Variants in FANCA observed in about 807,000 individuals in gnomAD.
FANCA encodes FA complementation group A.
FANCA carries 236 observed loss-of-function variants against 194.3 expected under a neutral mutation model. The ratio of observed to expected loss-of-function variants is 1.21; its 90% CI spans 1.09 to 1.35. The LOEUF (loss-of-function observed/expected upper bound fraction) is 1.35. Ranked by LOEUF, FANCA falls within the 40% of genes most tolerant of loss-of-function variation. FANCA has a pLI of 0.00. For synonymous variants in FANCA, 1,014 were observed against 715.8 expected (o/e 1.42, Z -6.65); for missense variants, 2,628 against 1,813.9 (o/e 1.45, Z -8.15).
At chr16:89,755,022 A>G (rs2038721829) in intron 30 of FANCA, among the ~76,000 whole-genome samples, 1 of 152,240 alleles carries the variant, frequency 6.6e-6, no homozygotes. Context: ...CCAATGACGC[A>G]GTGCATATGG....
chr16:89,767,553 T>C (rs1355688134), intron 26 of FANCA, among the ~76,000 whole-genome samples: 4 of 151,826 alleles, frequency 2.6e-5, no homozygotes, highest in Admixed American at 2.6e-4. Flanking sequence ...TAGTTGTTGT[T>C]AGTGCTTTTT....
intron 35 of FANCA, among the ~76,000 whole-genome samples, chr16:89,745,990 G>C (rs1324213657): frequency 6.6e-6 from 1 of 152,196 alleles, no homozygotes; most frequent in Non-Finnish European, 1.5e-5. Flanking sequence ...GTGCTGCGGA[G>C]AAAAAGGCCC....
intron 31 of FANCA, among the ~76,000 whole-genome samples, chr16:89,750,456 C>A (rs1014516756): frequency 2.1e-5 from 3 of 141,012 alleles, no homozygotes; most frequent in Non-Finnish European, 3.0e-5. Flanking sequence ...GCACTTCAGA[C>A]TGGGCAACAG....
At chr16:89,801,837 G>A (rs571097792) in intron 8 of FANCA, among the ~76,000 whole-genome samples, 6 of 151,624 alleles carry the variant, frequency 4.0e-5, no homozygotes, top group Admixed American at 2.0e-4. Flanking sequence ...GCAGTGAGCC[G>A]AAATCGCGCC....
intron 12 of FANCA, 58 bp from the exon 13 acceptor site, chr16:89,792,126 A>AC: frequency 3.1e-6 from 5 of 1,605,328 alleles, no homozygotes; most frequent in Non-Finnish European, 4.3e-6. Flanking sequence ...GCGACAGATG[A>AC]CCCCTCACCT....
At chr16:89,802,389 A>G (rs1430627474) in intron 8 of FANCA, among the ~76,000 whole-genome samples, 1 of 151,356 alleles carries the variant, frequency 6.6e-6, no homozygotes, top group Admixed American at 6.6e-5. Flanking sequence ...GGCATGAGCC[A>G]TTGAGCCCAA....
chr16:89,777,027 C>G (rs529949402), intron 20 of FANCA, among the ~76,000 whole-genome samples: 2 of 151,850 alleles, frequency 1.3e-5, no homozygotes, highest in Admixed American at 6.6e-5. Context: ...CTGGGCAACA[C>G]AGCGAAAATC....
chr16:89,742,903 T>C lies in FANCA; in HGVS notation c.3662A>G (p.Asn1221Ser), dbSNP rs2062171554. Residue 1221 changes from asparagine to serine, a missense_variant, in exon 37 of 43, where the codon AAC becomes AGC. Asn to Ser is a conservative substitution (Grantham distance 46, BLOSUM62 1). Coordinates refer to ENST00000389301, the MANE Select transcript of FANCA (RefSeq NM_000135.4). The stretch of plus-strand genomic sequence containing the variant: ...TGCAGCAGCTGAGAGCCAGTCCGGG[T>C]TGGGTGCTGGGGAGGCAGCCTCAGG... ...LSPEAASPAP[N>S]PDWLSAAALH... 1.2e-6 allele frequency: 2 copies of C among 1,614,020 alleles called. No individual in the cohort carries two copies. The highest frequency in any genetic ancestry group is 1.1e-5 in the South Asian group (1 of 91,084).
Position 89,779,006 on chromosome 16 carries a change from G to A in FANCA, c.1716-3C>T, listed in dbSNP as rs760855591. ...CGTAGTAAGGCCTCCTGAATATGCT[G>A]CAACACAGAGAAGCAGACAGTGCAT... On this transcript the variant is annotated splice_polypyrimidine_tract_variant and splice_region_variant and intron_variant, in intron 18 of 42. Coordinates refer to ENST00000389301, the MANE Select transcript of FANCA (RefSeq NM_000135.4). The A allele has an allele frequency of 1.8e-5, 29 of 1,613,144 alleles. No individual in the cohort carries two copies. In the South Asian group the frequency reaches 2.7e-4, roughly 15 times the overall value.
At chr16:89,790,748 A>G (rs1811426797) in intron 14 of FANCA, among the ~76,000 whole-genome samples, 1 of 152,046 alleles carries the variant, frequency 6.6e-6, no homozygotes, top group South Asian at 2.1e-4. Context: ...TCAAAAAAAA[A>G]AAAAGGGAAA....
intron 5 of FANCA, among the ~76,000 whole-genome samples, 180 bp from the exon 6 acceptor site, chr16:89,808,547 T>G (rs1426454924): frequency 6.6e-6 from 1 of 152,238 alleles, no homozygotes; most frequent in East Asian, 1.9e-4. Context: ...AAAGCTGTAC[T>G]GGTTTTCAAA....
chr16:89,745,067 C>G lies in FANCA; in HGVS notation c.3518G>C (p.Trp1173Ser). 2 of 1,603,416 alleles carry G rather than the reference C, an allele frequency of 1.2e-6. No homozygotes were observed. Among genetic ancestry groups the G allele is most frequent in the Non-Finnish European group, 1.7e-6 (2 of 1,177,838 alleles). Reference sequence around the variant, plus strand: ...CAGCACAGGCTCCAGGCTCGGCCACCACACCTATGGAGAGAGCACCAGCAC... The same window carrying G: ...CAGCACAGGCTCCAGGCTCGGCCACGACACCTATGGAGAGAGCACCAGCAC... ...CPLILTSALV[W>S]WPSLEPVLLC... Residue 1173 changes from tryptophan (W) to serine (S), a missense_variant, in exon 36 of 43, where the codon TGG becomes TCG. Physicochemically the swap from Trp to Ser is radical, Grantham distance 177. Coordinates refer to ENST00000389301, the MANE Select transcript of FANCA (RefSeq NM_000135.4).
Position 89,745,034 on chromosome 16 carries a change from C to G in FANCA, c.3551G>C (p.Arg1184Pro), listed in dbSNP as rs147672303. The change falls in exon 36 of 43, where the codon CGG (arginine) becomes CCG (proline). Residue 1184 changes from arginine to proline, a missense_variant. Arg to Pro is a moderately radical substitution (Grantham distance 103). Coordinates refer to ENST00000389301, the MANE Select transcript of FANCA (RefSeq NM_000135.4). ...CGGGCTCTGGCAGTGTCTCCTCCAC[C>G]GGCAGAGCAGCACAGGCTCCAGGCT... The part of the protein sequence containing the change: ...WPSLEPVLLC[R>P]WRRHCQSPLP... The G allele has an allele frequency of 3.1e-4, 493 of 1,609,978 alleles. No homozygotes were observed. Among genetic ancestry groups the G allele is most frequent in the South Asian group, 4.0e-4 (36 of 90,978 alleles).
chr16:89,744,679 T>G, intron 36 of FANCA: 1 of 447,446 alleles, frequency 2.2e-6, no homozygotes, highest in East Asian at 4.4e-5. Context: ...TTTTTTTTGT[T>G]TTTTTTCTGG....
intron 26 of FANCA, among the ~76,000 whole-genome samples, chr16:89,767,646 T>G (rs1356329016): frequency 2.0e-5 from 3 of 152,182 alleles, no homozygotes; most frequent in Non-Finnish European, 2.9e-5. Context: ...CCTCCCAGGT[T>G]CAAGCAATTC....
chr16:89,749,724 T>C lies in FANCA; in HGVS notation c.3239+6A>G, dbSNP rs1400042720. On this transcript the variant is annotated splice_donor_region_variant and intron_variant, in intron 32 of 42. Transcript: ENST00000389301. ...GCTGCCCTGCCCAGGTGGTAGTAGG[T>C]GTTACCGTTTGTACATTAGCAGCTC... The C allele has an allele frequency of 6.2e-7, 1 of 1,612,894 alleles. No homozygotes were observed. The highest frequency in any genetic ancestry group is 8.5e-7 in the Non-Finnish European group (1 of 1,179,422).
At chr16:89,816,274 T>C (rs1262106806) in intron 1 of FANCA, 3 of 268,918 alleles carry the variant, frequency 1.1e-5, no homozygotes, top group Non-Finnish European at 2.1e-5. Flanking sequence ...CAGGCCCGCC[T>C]GACAGGGCGG....
chr16:89,774,297 C>G (rs1045162034), intron 21 of FANCA, among the ~76,000 whole-genome samples: 1 of 152,042 alleles, frequency 6.6e-6, no homozygotes, highest in Non-Finnish European at 1.5e-5. Context: ...CCACCAAAAG[C>G]TACGAACAAG....
intron 23 of FANCA, among the ~76,000 whole-genome samples, chr16:89,770,923 GC>G (rs2039302274): frequency 6.6e-6 from 1 of 152,078 alleles, no homozygotes; most frequent in Non-Finnish European, 1.5e-5. Flanking sequence ...AGGTTTTGGG[GC>G]CAGAAACAGC....
Sources: gnomAD v4.1 joint callset for allele counts (sites outside exome capture counted in the v4.1 genomes callset) on GRCh38, gnomAD v4.1.1 for gene constraint, MANE v1.5 for transcripts, NCBI Gene and HGNC (gene_info 2026-07-23, HGNC 2026-07-21) for gene names.